Variants in RIMBP2 observed in about 807,000 individuals in gnomAD.
RIMBP2 encodes the protein RIMS-binding protein 2.
RIMBP2 carries 48 observed loss-of-function variants against 118.6 expected under a neutral mutation model. That is an observed-to-expected ratio of 0.40 (90% confidence interval 0.32 to 0.51). RIMBP2 has a LOEUF of 0.51. Ranked by LOEUF, RIMBP2 falls within the 20% of genes least tolerant of loss-of-function variation. The pLI, the probability that RIMBP2 is intolerant of heterozygous loss-of-function variation, is 0.41. For missense variants in RIMBP2, 1,551 were observed against 1,768.3 expected, an observed-to-expected ratio of 0.88 and a Z score of 2.20; for synonymous variants, 762 against 742.9, an observed-to-expected ratio of 1.03 and a Z score of -0.42.
rs199508370 is a variant in RIMBP2 at position 130,407,747 on chromosome 12, G to A, written c.3672C>T (p.Ser1224=). 2.5e-6 allele frequency: 4 copies of A among 1,614,070 alleles called. No homozygotes were observed. The highest frequency in any genetic ancestry group is 3.3e-5 in the Admixed American group (2 of 60,024). The stretch of plus-strand genomic sequence containing the variant: ...GTACCTCGACATCGACGTTGGGCGA[G>A]CTTTCTCTGGGGTCGTAGTCATACA... The part of the protein sequence containing the change: ...VALYDYDPRE[S]SPNVDVEAEL... The change falls in exon 20 of 23, where the codon AGC becomes AGT. Residue 1224 remains serine, a synonymous_variant. Coordinates refer to ENST00000690449, the MANE Select transcript of RIMBP2 (RefSeq NM_001393629.1).
intron 6 of RIMBP2, among the ~76,000 whole-genome samples, chr12:130,458,066 C>T (rs954859148): frequency 1.4e-5 from 2 of 147,702 alleles, no homozygotes; most frequent in Admixed American, 6.8e-5. Context: ...AACAGCCCCC[C>T]ACCTCCCCCT....
rs574029856 is a variant in RIMBP2, at chr12:130,626,717, A to C, written c.-217+1605T>G. Among the ~76,000 whole-genome samples the C allele has an allele frequency of 9.4e-4, 139 of 148,628 alleles. 1 individual carries two copies. The highest frequency in any genetic ancestry group is 3.4e-3 in the African/African-American group (134 of 39,822). The stretch of plus-strand genomic sequence containing the variant: ...ACTACTGCTTCATCACACCTCCTCC[A>C]TCACCACAACTACCGCCGGCATCAT... On this transcript the variant is annotated intron_variant, in intron 2 of 22. Transcript: ENST00000690449.
intron 1 of RIMBP2, among the ~76,000 whole-genome samples, chr12:130,673,416 G>C (rs1208370827): frequency 6.6e-6 from 1 of 152,210 alleles, no homozygotes; most frequent in Non-Finnish European, 1.5e-5. Flanking sequence ...TGTAGCGAAG[G>C]AGGCTGAGGC....
chr12:130,536,200 A>G (rs1335292126), intron 2 of RIMBP2, among the ~76,000 whole-genome samples: 1 of 152,188 alleles, frequency 6.6e-6, no homozygotes, highest in African/African-American at 2.4e-5. Context: ...AGAGAAACAG[A>G]GACAGATAGG....
rs1436140322 is a variant in RIMBP2, at chr12:130,683,002, G to A, written c.-352+33220C>T. Reference sequence around the variant, plus strand: ...TATTTTGTTGTCTAATTATGTCGGAGGCGCACTATGTCTCATTCTTTTATC... The same window carrying A: ...TATTTTGTTGTCTAATTATGTCGGAAGCGCACTATGTCTCATTCTTTTATC... On this transcript the variant is annotated intron_variant, in intron 1 of 22. Coordinates refer to ENST00000690449, the MANE Select transcript of RIMBP2 (RefSeq NM_001393629.1). The surrounding 1 kb of genome is among the most constrained non-coding windows in gnomAD (Gnocchi z 4.4). Among the ~76,000 whole-genome samples the A allele has an allele frequency of 6.6e-6, 1 of 152,172 alleles. No homozygotes were observed. Among genetic ancestry groups the A allele is most frequent in the Non-Finnish European group, 1.5e-5 (1 of 68,038 alleles).
chr12:130,409,181 A>T (rs569051022), intron 19 of RIMBP2, among the ~76,000 whole-genome samples: 1 of 152,284 alleles, frequency 6.6e-6, no homozygotes, highest in African/African-American at 2.4e-5. Context: ...TGTGATAAGC[A>T]CACACAGTCC....
chr12:130,602,929 G>A (rs749570019), intron 2 of RIMBP2, among the ~76,000 whole-genome samples: 4 of 152,104 alleles, frequency 2.6e-5, no homozygotes, highest in African/African-American at 4.8e-5. Context: ...ACCCCCTCCC[G>A]GAAGAGGAGA....
chr12:130,413,678 A>G (rs945252462), intron 18 of RIMBP2, among the ~76,000 whole-genome samples: 25 of 150,906 alleles, frequency 1.7e-4, no homozygotes, highest in Non-Finnish European at 3.2e-4. Flanking sequence ...CCAAAGGGAT[A>G]GGAAACAACC....
intron 2 of RIMBP2, among the ~76,000 whole-genome samples, chr12:130,594,120 G>A (rs2059426484): frequency 6.6e-6 from 1 of 152,206 alleles, no homozygotes; most frequent in Non-Finnish European, 1.5e-5. Flanking sequence ...AGAATTTGCT[G>A]GCCTTGTCTT....
Position 130,517,792 on chromosome 12 carries a change from G to A in RIMBP2, c.-127+36C>T, listed in dbSNP as rs544182389. 5 of 914,036 alleles carry A rather than the reference G, an allele frequency of 5.5e-6. No homozygotes were observed. The South Asian group carries it at 2.0e-4, about 37-fold the overall frequency. The allele number at this position is 914,036 out of a possible 1,614,324, so 56.6% of individuals were successfully genotyped here. ...CCCTGGCCCAGCCCGCTCCCTCCAGGGCCCCAGATGGTCTGTGGACAGTGG... is the reference window on the plus strand; with the variant it reads ...CCCTGGCCCAGCCCGCTCCCTCCAGAGCCCCAGATGGTCTGTGGACAGTGG... On this transcript the variant is annotated intron_variant, in intron 3 of 22. Transcript: ENST00000690449.
At position 130,424,052 on chromosome 12, in the gene RIMBP2, G is replaced by T; in HGVS notation, c.3129+90C>A. On this transcript the variant is annotated intron_variant, in intron 16 of 22. Coordinates refer to ENST00000690449, the MANE Select transcript of RIMBP2 (RefSeq NM_001393629.1). The surrounding 1 kb of genome is among the most constrained non-coding windows in gnomAD (Gnocchi z 9.8). ...GACAGCCAGCAAGAGAGTCCCCAGG[G>T]ATGGACACCAGAACAAACAGAAAAC... 1.5e-6 allele frequency: 1 copy of T among 668,130 alleles called. No individual in the cohort carries two copies. Among genetic ancestry groups the T allele is most frequent in the Non-Finnish European group, 2.1e-6 (1 of 472,784 alleles). The allele number at this position is 668,130 out of a possible 1,614,324, so 41.4% of individuals were successfully genotyped here. A position where few individuals can be genotyped will look rare whatever the true frequency, so the allele number is the denominator to read the frequency against.
At chr12:130,607,524 G>A (rs1424214314) in intron 2 of RIMBP2, among the ~76,000 whole-genome samples, 1 of 151,956 alleles carries the variant, frequency 6.6e-6, no homozygotes, top group East Asian at 1.9e-4. Context: ...CACATGCTCG[G>A]TGGGAACATG....
At chr12:130,458,501 C>T (rs1387634693) in intron 6 of RIMBP2, among the ~76,000 whole-genome samples, 2 of 152,144 alleles carry the variant, frequency 1.3e-5, no homozygotes, top group Admixed American at 1.3e-4. Context: ...GTGACGGGCC[C>T]TGCAGGGCAG....
In RIMBP2 at chr12:130,475,088, T is replaced by TG. The variant is rs1372116873; in HGVS notation, c.102+3823dup. On this transcript the variant is annotated intron_variant, in intron 5 of 22. Coordinates refer to ENST00000690449, the MANE Select transcript of RIMBP2 (RefSeq NM_001393629.1). The surrounding 1 kb of genome is among the most constrained non-coding windows in gnomAD (Gnocchi z 4.1). ...CTTTTGCCTTTTTAAACTGTGTCTC[T>TG]GCTCAGGTCCCAGAGACGAGGGCTG... Among the ~76,000 whole-genome samples, 1 of 152,202 alleles carries TG rather than the reference T, an allele frequency of 6.6e-6. No homozygotes were observed. Among genetic ancestry groups the TG allele is most frequent in the Non-Finnish European group, 1.5e-5 (1 of 68,036 alleles).
At position 130,620,584 on chromosome 12, in the gene RIMBP2, C is replaced by G. The variant is rs961846335; in HGVS notation, c.-217+7738G>C. ...TCGGGGTGTCGGCAGGGCTGCTCCTCAGGTCACAGGCAGGCTCTGCCCGTG... is the reference window on the plus strand; with the variant it reads ...TCGGGGTGTCGGCAGGGCTGCTCCTGAGGTCACAGGCAGGCTCTGCCCGTG... On this transcript the variant is annotated intron_variant, in intron 2 of 22. Transcript: ENST00000690449. This position sits in a 1 kb window ranked among gnomAD's most constrained non-coding sequence, Gnocchi z 5.3. Among the ~76,000 whole-genome samples the G allele has an allele frequency of 6.6e-6, 1 of 152,182 alleles. No homozygotes were observed. Among genetic ancestry groups the G allele is most frequent in the Admixed American group, 6.5e-5 (1 of 15,286 alleles).
At chr12:130,548,178 C>T (rs1037499688) in intron 2 of RIMBP2, among the ~76,000 whole-genome samples, 4 of 152,048 alleles carry the variant, frequency 2.6e-5, no homozygotes, top group Non-Finnish European at 2.9e-5. Flanking sequence ...TTGTTCCACT[C>T]GGGCCATGAA....
At chr12:130,549,033 C>T (rs1236765574) in intron 2 of RIMBP2, among the ~76,000 whole-genome samples, 1 of 152,230 alleles carries the variant, frequency 6.6e-6, no homozygotes, top group East Asian at 1.9e-4. Flanking sequence ...AAAACTTCTA[C>T]GTCTGTGCTA....
chr12:130,424,596 C>T lies in RIMBP2; in HGVS notation c.2675G>A (p.Gly892Glu). The T allele has an allele frequency of 1.6e-6, 2 of 1,231,934 alleles. No homozygotes were observed. The highest frequency in any genetic ancestry group is 2.0e-6 in the Non-Finnish European group (2 of 987,822). 76.3% of individuals were successfully genotyped at this position (1,231,934 alleles called of 1,614,324 possible). A position where few individuals can be genotyped will look rare whatever the true frequency, so the allele number is the denominator to read the frequency against. ...GAAGTCCTCCACGTGGGGGACGGCC[C>T]CCGAGCCCCTGTGCTTCACCGGGAA... is the stretch of plus-strand genomic sequence containing the variant. ...SWFPVKHRGSGAVPHVEDFLL... is the reference protein window; with the variant it reads ...SWFPVKHRGSEAVPHVEDFLL... Residue 892 changes from glycine (G) to glutamate (E), a missense_variant, in exon 16 of 23, where the codon GGG becomes GAG. Gly to Glu is a moderately conservative substitution (Grantham distance 98, BLOSUM62 -2). Transcript: ENST00000690449. This position sits in a 1 kb window ranked among gnomAD's most constrained non-coding sequence, Gnocchi z 9.8.
chr12:130,497,748 A>G (rs556750677), intron 4 of RIMBP2, among the ~76,000 whole-genome samples: 2 of 152,360 alleles, frequency 1.3e-5, no homozygotes, highest in Non-Finnish European at 2.9e-5. Context: ...GAGAATAAAA[A>G]GCATTTTGTT....
Sources: gnomAD v4.1 joint callset for allele counts (sites outside exome capture counted in the v4.1 genomes callset) on GRCh38, gnomAD v4.1.1 for gene constraint, Gnocchi (gnomAD v3.1) non-coding constraint, MANE v1.5 for transcripts, NCBI Gene and HGNC (gene_info 2026-07-23, HGNC 2026-07-21) for gene names.